Variants in ME1 observed in about 807,000 individuals in gnomAD.
ME1 encodes malic enzyme 1.
In ME1, 74 loss-of-function variants were observed where a neutral mutation model predicts 66.4. That is an observed-to-expected ratio of 1.11 (90% CI 0.92 to 1.35). The LOEUF is 1.35. Ranked by LOEUF, ME1 falls within the 40% of genes most tolerant of loss-of-function variation. ME1 has a pLI of 0.00. For synonymous variants in ME1, 251 were observed against 235.6 expected, an observed-to-expected ratio of 1.07 and a Z score of -0.60; for missense variants, 750 against 694.1, an observed-to-expected ratio of 1.08 and a Z score of -0.90.
chr6:83,311,631 G>T (rs1767933382), intron 6 of ME1, among the ~76,000 whole-genome samples: 2 of 152,188 alleles, frequency 1.3e-5, no homozygotes, highest in South Asian at 4.2e-4. Context: ...AAGCCATAAG[G>T]AATATGCCAA....
At chr6:83,298,684 T>C (rs1767649877) in intron 6 of ME1, among the ~76,000 whole-genome samples, 1 of 152,052 alleles carries the variant, frequency 6.6e-6, no homozygotes, top group Non-Finnish European at 1.5e-5. Flanking sequence ...TCTTCTAGGG[T>C]TTTTATAGCT....
At chr6:83,410,888 G>A (rs925100119) in intron 1 of ME1, among the ~76,000 whole-genome samples, 2 of 152,130 alleles carry the variant, frequency 1.3e-5, no homozygotes, top group African/African-American at 4.8e-5. Flanking sequence ...CTTATGCCAT[G>A]TAAATGATAA....
At chr6:83,270,221 TA>T (rs1767059526) in intron 6 of ME1, among the ~76,000 whole-genome samples, 1 of 152,140 alleles carries the variant, frequency 6.6e-6, no homozygotes, top group Admixed American at 6.6e-5. Context: ...ATTATACATT[TA>T]AAAAACATAT....
Position 83,268,763 on chromosome 6 carries a change from T to TATC in ME1, c.705-15026_705-15025insGAT, listed in dbSNP as rs1767034452. ...TTATTATTATTATTATTATTATTATTGTATTTTTGGTAGAGATGGGGTTTC... is the reference window on the plus strand; with the variant it reads ...TTATTATTATTATTATTATTATTATTATCGTATTTTTGGTAGAGATGGGGTTTC... On this transcript the variant is annotated intron_variant, in intron 6 of 13. Coordinates refer to ENST00000369705, the MANE Select transcript of ME1 (RefSeq NM_002395.6). Among the ~76,000 whole-genome samples the TATC allele has an allele frequency of 4.7e-5, 7 of 150,250 alleles. No homozygotes were observed. In the East Asian group the frequency reaches 1.4e-3, roughly 29 times the overall value.
chr6:83,226,835 A>G (rs1482669691), intron 11 of ME1, among the ~76,000 whole-genome samples: 1 of 152,204 alleles, frequency 6.6e-6, no homozygotes. Context: ...ATGGTATAAA[A>G]TAAATCATAG....
intron 13 of ME1, among the ~76,000 whole-genome samples, chr6:83,215,600 A>T (rs1351323729): frequency 1.3e-5 from 2 of 152,222 alleles, no homozygotes; most frequent in Admixed American, 6.5e-5. Flanking sequence ...AGAATGGTCT[A>T]TAATCCAATT....
chr6:83,296,303 T>C (rs972244706), intron 6 of ME1, among the ~76,000 whole-genome samples: 3 of 152,056 alleles, frequency 2.0e-5, no homozygotes, highest in South Asian at 2.1e-4. Flanking sequence ...CAGCAGCACA[T>C]CAAAAAGTTA....
intron 5 of ME1, among the ~76,000 whole-genome samples, chr6:83,327,543 T>C (rs556545137): frequency 6.6e-6 from 1 of 152,274 alleles, no homozygotes; most frequent in East Asian, 1.9e-4. Context: ...TCAGGCTTAT[T>C]AGGAAGAGGA....
chr6:83,310,046 T>C (rs1006153402), intron 6 of ME1, among the ~76,000 whole-genome samples: 1 of 152,220 alleles, frequency 6.6e-6, no homozygotes, highest in Admixed American at 6.5e-5. Flanking sequence ...GGATTTGTGC[T>C]ACTCCACTAG....
chr6:83,216,630 A>G (rs1264457274), intron 12 of ME1, 34 bp from the exon 13 acceptor site: 1 of 1,410,596 alleles, frequency 7.1e-7, no homozygotes, highest in Non-Finnish European at 9.8e-7. Flanking sequence ...AAGTGTTTAT[A>G]CTTCACACGA....
At chr6:83,303,940 A>G (rs1767777134) in intron 6 of ME1, among the ~76,000 whole-genome samples, 1 of 152,206 alleles carries the variant, frequency 6.6e-6, no homozygotes, top group Admixed American at 6.5e-5. Flanking sequence ...AATTCCAACT[A>G]TTAAATGCTC....
intron 3 of ME1, among the ~76,000 whole-genome samples, chr6:83,356,078 C>T (rs940799807): frequency 2.6e-5 from 4 of 152,078 alleles, no homozygotes; most frequent in Admixed American, 1.3e-4. Context: ...CATGTTATCT[C>T]AGATAATATC....
At chr6:83,267,635 T>C (rs944743616) in intron 6 of ME1, among the ~76,000 whole-genome samples, 2 of 152,158 alleles carry the variant, frequency 1.3e-5, no homozygotes, top group Admixed American at 1.3e-4. Flanking sequence ...GGTCCAACTG[T>C]TTTCCAGAGA....
intron 6 of ME1, among the ~76,000 whole-genome samples, chr6:83,299,674 G>T (rs1251358498): frequency 1.3e-5 from 2 of 152,144 alleles, no homozygotes; most frequent in Non-Finnish European, 2.9e-5. Context: ...TCCTTGACTT[G>T]TGCCAGTTTT....
chr6:83,425,258 G>T (rs945956805), intron 1 of ME1, among the ~76,000 whole-genome samples: 2 of 151,998 alleles, frequency 1.3e-5, no homozygotes, highest in Admixed American at 6.6e-5. Flanking sequence ...GGCCTCCCAG[G>T]TGGCTCACAT....
chr6:83,430,325 C>T (rs557243202), intron 1 of ME1, among the ~76,000 whole-genome samples: 126 of 152,352 alleles, frequency 8.3e-4, no homozygotes, highest in African/African-American at 2.9e-3. Context: ...TTCCCAGACT[C>T]TTAACCGTGT....
In ME1 at chr6:83,393,222, C is replaced by T. The variant is rs1014953543; in HGVS notation, c.362+5145G>A. Reference sequence around the variant, plus strand: ...GTCAGAGGACCCCCTCAAAGGCATCCTGGGCTACTCTGAGCACCAGGTGGT... The same window carrying T: ...GTCAGAGGACCCCCTCAAAGGCATCTTGGGCTACTCTGAGCACCAGGTGGT... On this transcript the variant is annotated intron_variant, in intron 3 of 13. Transcript: ENST00000369705. The T allele has an allele frequency of 1.3e-5, 15 of 1,129,786 alleles. No individual in the cohort carries two copies. In the African/African-American group the frequency reaches 2.3e-4, roughly 17 times the overall value. The allele number at this position is 1,129,786 out of a possible 1,614,324, so 70.0% of individuals were successfully genotyped here.
At chr6:83,390,628 T>C (rs746059215) in intron 3 of ME1, among the ~76,000 whole-genome samples, 2 of 152,126 alleles carry the variant, frequency 1.3e-5, no homozygotes, top group Non-Finnish European at 2.9e-5. Context: ...ACACACTAAA[T>C]TGCAATATGA....
chr6:83,245,222 T>C (rs1239346542), intron 7 of ME1, among the ~76,000 whole-genome samples: 1 of 151,920 alleles, frequency 6.6e-6, no homozygotes, highest in African/African-American at 2.4e-5. Context: ...CATTGACTGA[T>C]GGAGGGAAGA....
Sources: allele counts gnomAD v4.1 joint callset (sites outside exome capture counted in the v4.1 genomes callset), GRCh38; gene constraint gnomAD v4.1.1; transcripts MANE v1.5; gene names NCBI Gene and HGNC (gene_info 2026-07-23, HGNC 2026-07-21).